The following CDKL3 variants were observed in gnomAD, a reference collection of about 807,000 sequenced individuals.
CDKL3 encodes the protein cyclin-dependent kinase-like 3.
Under a neutral mutation model 69.3 loss-of-function variants are expected in CDKL3, and 65 were observed. That is an observed-to-expected ratio of 0.94 (90% CI 0.77 to 1.15). CDKL3 has a LOEUF of 1.15. CDKL3 is among the 50% of genes most tolerant of loss of function. The pLI is 0.00. For missense variants in CDKL3, 652 were observed against 689.2 expected, an observed-to-expected ratio of 0.95 and a Z score of 0.61; for synonymous variants, 202 against 221.6, an observed-to-expected ratio of 0.91 and a Z score of 0.79.
At chr5:134,361,793 A>C (rs182444298) in intron 2 of CDKL3, among the ~76,000 whole-genome samples, 140 of 152,300 alleles carry the variant, frequency 9.2e-4, no homozygotes, top group African/African-American at 3.2e-3. Flanking sequence ...AATCCCAGCT[A>C]CTAGAGAGAT....
At chr5:134,353,141 G>C (rs1753732329) in intron 3 of CDKL3, among the ~76,000 whole-genome samples, 1 of 152,136 alleles carries the variant, frequency 6.6e-6, no homozygotes, top group Non-Finnish European at 1.5e-5. Context: ...ATATACTACT[G>C]ATAATTTCAA....
chr5:134,322,297 C>T (rs919733090), intron 4 of CDKL3, among the ~76,000 whole-genome samples: 1 of 152,164 alleles, frequency 6.6e-6, no homozygotes, highest in Non-Finnish European at 1.5e-5. Flanking sequence ...CAGGTGTGAG[C>T]CACCACGCCT....
intron 4 of CDKL3, among the ~76,000 whole-genome samples, chr5:134,333,715 C>T (rs1447802828): frequency 6.6e-6 from 1 of 152,124 alleles, no homozygotes; most frequent in African/African-American, 2.4e-5. Context: ...TTTGGTTTGC[C>T]AGTATTTTAT....
At chr5:134,358,917 C>G (rs1755288240) in intron 3 of CDKL3, among the ~76,000 whole-genome samples, 1 of 152,090 alleles carries the variant, frequency 6.6e-6, no homozygotes, top group African/African-American at 2.4e-5. Context: ...GCCAGCCTAC[C>G]AGCACTATCT....
At chr5:134,347,606 A>G (rs1488797853) in intron 4 of CDKL3, among the ~76,000 whole-genome samples, 1 of 150,780 alleles carries the variant, frequency 6.6e-6, no homozygotes, top group Non-Finnish European at 1.5e-5. Flanking sequence ...ACGGTGGCTC[A>G]TGCCTGTAAT....
intron 10 of CDKL3, 31 bp downstream of exon 10, chr5:134,306,578 C>G: frequency 1.7e-6 from 2 of 1,203,634 alleles, no homozygotes; most frequent in Non-Finnish European, 1.2e-6. Flanking sequence ...TTAAAAGAGG[C>G]CATATTTTAA....
At chr5:134,365,908 C>T (rs1362767049) in intron 2 of CDKL3, among the ~76,000 whole-genome samples, 1 of 152,138 alleles carries the variant, frequency 6.6e-6, no homozygotes, top group African/African-American at 2.4e-5. Context: ...ATTCATGTCC[C>T]ATTTCCTCAA....
chr5:134,315,812 C>T (rs1228664952), intron 6 of CDKL3, among the ~76,000 whole-genome samples: 1 of 152,058 alleles, frequency 6.6e-6, no homozygotes, highest in Non-Finnish European at 1.5e-5. Context: ...CATAGCAAGT[C>T]CTCATCTCAA....
chr5:134,324,867 A>C (rs970002608), intron 4 of CDKL3, among the ~76,000 whole-genome samples: 1 of 152,258 alleles, frequency 6.6e-6, no homozygotes, highest in South Asian at 2.1e-4. Context: ...ATATTGGTAC[A>C]TCAATTGTAA....
intron 4 of CDKL3, among the ~76,000 whole-genome samples, chr5:134,348,014 G>A (rs1475581446): frequency 6.6e-6 from 1 of 152,132 alleles, no homozygotes; most frequent in African/African-American, 2.4e-5. Flanking sequence ...TAGGTGACTT[G>A]TAAGATATAT....
Position 134,302,615 on chromosome 5 carries a change from A to G in CDKL3, c.1694T>C (p.Val565Ala). The G allele has an allele frequency of 6.3e-7, 1 of 1,593,186 alleles. No homozygotes were observed. Among genetic ancestry groups the G allele is most frequent in the Non-Finnish European group, 8.6e-7 (1 of 1,165,380 alleles). ...CTCTTGTTTTTCTTGATTTTGATCC[A>G]CGTTAAGTAAAGTTGGTATCTTAGA... ...ESSKIPTLLN[V>A]DQNQEKQEGG... The change falls in exon 12 of 13, where the codon GTG (valine) becomes GCG (alanine). Residue 565 changes from valine to alanine, a missense_variant. Physicochemically the swap from Val to Ala is moderately conservative, Grantham distance 64 (BLOSUM62 0). Coordinates refer to ENST00000265334, the MANE Select transcript of CDKL3 (RefSeq NM_001113575.2).
chr5:134,338,104 AAT>A (rs1441171244), intron 4 of CDKL3, among the ~76,000 whole-genome samples: 1 of 152,228 alleles, frequency 6.6e-6, no homozygotes, highest in Non-Finnish European at 1.5e-5. Flanking sequence ...TAATATGTGT[AAT>A]ATATTTGCTA....
At chr5:134,346,143 C>T (rs375671823) in intron 4 of CDKL3, among the ~76,000 whole-genome samples, 1 of 152,210 alleles carries the variant, frequency 6.6e-6, no homozygotes, top group African/African-American at 2.4e-5. Context: ...CTCTGATCCA[C>T]CTCCCTTGAA....
At chr5:134,357,851 T>C (rs1755004262) in intron 3 of CDKL3, among the ~76,000 whole-genome samples, 1 of 152,226 alleles carries the variant, frequency 6.6e-6, no homozygotes, top group Non-Finnish European at 1.5e-5. Flanking sequence ...GGTCTCTATC[T>C]ACTCATATCT....
At chr5:134,328,726 T>C (rs749453534) in intron 4 of CDKL3, among the ~76,000 whole-genome samples, 19 of 152,044 alleles carry the variant, frequency 1.2e-4, no homozygotes, top group Admixed American at 4.6e-4. Context: ...TAACACATCA[T>C]ACAAAACGAA....
At chr5:134,315,131 G>A (rs1240994369) in intron 6 of CDKL3, among the ~76,000 whole-genome samples, 1 of 151,448 alleles carries the variant, frequency 6.6e-6, no homozygotes, top group African/African-American at 2.4e-5. Context: ...AAAATCAATG[G>A]AACAGAAACA....
chr5:134,299,379 T>C (rs1238892931), intron 12 of CDKL3: 1 of 525,320 alleles, frequency 1.9e-6, no homozygotes, highest in African/African-American at 2.0e-5. Context: ...ATGCTAAGAA[T>C]GACCACTCAT....
intron 7 of CDKL3, among the ~76,000 whole-genome samples, chr5:134,310,861 C>T (rs770565272): frequency 6.6e-6 from 1 of 152,140 alleles, no homozygotes; most frequent in Non-Finnish European, 1.5e-5. Context: ...TTCTAGTCAC[C>T]CTCAAGGATT....
At chr5:134,368,485 GGC>G (rs1038254980), upstream of CDKL3, among the ~76,000 whole-genome samples, 2 of 151,944 alleles carry the variant, frequency 1.3e-5, no homozygotes, top group Non-Finnish European at 2.9e-5. Context: ...TGGGCGTGGT[GGC>G]GGGCGCCTGT....
Sources: gnomAD v4.1 joint callset for allele counts (sites outside exome capture counted in the v4.1 genomes callset) on GRCh38, gnomAD v4.1.1 for gene constraint, MANE v1.5 for transcripts, NCBI Gene and HGNC (gene_info 2026-07-23, HGNC 2026-07-21) for gene names.